The following EVL variants were observed in gnomAD, a reference collection of about 807,000 sequenced individuals.
EVL encodes the protein ena/VASP-like protein.
A neutral mutation model predicts 59.6 loss-of-function variants in EVL; 21 were observed. The observed-to-expected ratio is 0.35, with a 90% confidence interval of 0.25 to 0.51. EVL has a LOEUF of 0.51. Among genes scored for constraint, EVL ranks in the 20% least tolerant of loss-of-function variants. The pLI is 0.97. For missense variants in EVL, 462 were observed against 546.6 expected (o/e 0.85, Z 1.54); for synonymous variants, 198 against 203.5 (o/e 0.97, Z 0.23).
intron 1 of EVL, among the ~76,000 whole-genome samples, chr14:100,078,705 T>C (rs943378): frequency 0.94 from 143,220 of 152,108 alleles, 67,598 homozygotes; most frequent in African/African-American, 0.96. Flanking sequence ...CCCACCCTTG[T>C]GATGGTTATG....
intron 1 of EVL, among the ~76,000 whole-genome samples, chr14:100,013,223 A>G (rs937388472): frequency 2.6e-5 from 4 of 152,216 alleles, no homozygotes; most frequent in Admixed American, 6.5e-5. Context: ...TAATGAACTG[A>G]GTTGTTCAGC....
At chr14:100,132,832 G>T in intron 8 of EVL, 53 bp downstream of exon 8, 2 of 1,589,828 alleles carry the variant, frequency 1.3e-6, no homozygotes. Flanking sequence ...TGAGCGCATC[G>T]CCAGGGAGGC....
At chr14:100,069,731 G>A (rs1463033704) in intron 1 of EVL, among the ~76,000 whole-genome samples, 4 of 152,160 alleles carry the variant, frequency 2.6e-5, no homozygotes, top group Non-Finnish European at 2.9e-5. Flanking sequence ...CGATACTCAG[G>A]TGGGCTGGGG....
chr14:100,071,119 A>T lies in EVL; in HGVS notation c.11+5608A>T, dbSNP rs183253396. On this transcript the variant is annotated intron_variant, in intron 1 of 13. Coordinates refer to ENST00000392920, the MANE Select transcript of EVL (RefSeq NM_016337.3). The stretch of plus-strand genomic sequence containing the variant: ...GCATCTGAGAGGGTGACATCCAAGG[A>T]GAAAAGGCAAACGTCTTGATTGCCC... Among the ~76,000 whole-genome samples, 8 of 152,280 alleles carry T rather than the reference A, an allele frequency of 5.3e-5. No individual in the cohort carries two copies. The East Asian group carries it at 1.5e-3, about 29-fold the overall frequency.
At chr14:100,060,201 C>T (rs1327252134) in intron 1 of EVL, among the ~76,000 whole-genome samples, 6 of 151,526 alleles carry the variant, frequency 4.0e-5, no homozygotes, top group Non-Finnish European at 8.8e-5. Context: ...GAGGCCGAGG[C>T]GGGCGGATCA....
rs1254116960 is a variant in EVL at position 100,006,017 on chromosome 14, C to CCG, written c.5+33961_5+33962insGC. On this transcript the variant is annotated intron_variant, in intron 1 of 13. Coordinates refer to the EVL transcript ENST00000402714. Reference sequence around the variant, plus strand: ...CCCTTTTGCTGGCCATTTCCCCCCCCCCCCCCACACCGACAACACTTTTGT... The same window carrying CCG: ...CCCTTTTGCTGGCCATTTCCCCCCCCCGCCCCCCACACCGACAACACTTTTGT... 0.01 allele frequency among the ~76,000 whole-genome samples: 1,543 copies of CCG among 149,640 alleles called. 69 individuals are homozygous for CCG. The East Asian group carries it at 0.14, about 13-fold the overall frequency.
chr14:100,003,952 C>A (rs2060962365), intron 1 of EVL, among the ~76,000 whole-genome samples: 2 of 152,178 alleles, frequency 1.3e-5, no homozygotes, highest in South Asian at 4.1e-4. Context: ...CACCTATAAT[C>A]CCAGCACTTT....
At position 100,095,248 on chromosome 14, in the gene EVL, A is replaced by G. The variant is rs552232624; in HGVS notation, c.181-2233A>G. On this transcript the variant is annotated intron_variant, in intron 2 of 13. Coordinates refer to ENST00000392920, the MANE Select transcript of EVL (RefSeq NM_016337.3). ...TAAGGTGGTTTCAAGACCTTCTTCAATTTTTAAAGCATTTTCCTCTGGCTT... is the reference window on the plus strand; with the variant it reads ...TAAGGTGGTTTCAAGACCTTCTTCAGTTTTTAAAGCATTTTCCTCTGGCTT... Among the ~76,000 whole-genome samples, 10 of 152,248 alleles carry G rather than the reference A, an allele frequency of 6.6e-5. 1 individual carries two copies. The highest frequency in any genetic ancestry group is 3.4e-3 in the Middle Eastern group (1 of 294).
intron 6 of EVL, among the ~76,000 whole-genome samples, 186 bp from the exon 7 acceptor site, chr14:100,129,375 CCT>C (rs1272567164): frequency 6.6e-6 from 1 of 152,086 alleles, no homozygotes; most frequent in South Asian, 2.1e-4. Context: ...GGTCCTTGTC[CCT>C]CTCTCGATTC....
intron 3 of EVL, among the ~76,000 whole-genome samples, chr14:100,105,187 G>A (rs1353409060): frequency 6.6e-6 from 1 of 152,082 alleles, no homozygotes; most frequent in Non-Finnish European, 1.5e-5. Context: ...ATCCCTACTA[G>A]CACGCTAGTC....
Position 100,128,985 on chromosome 14 carries a change from C to A in EVL, c.717+237C>A, listed in dbSNP as rs1335900931. Among the ~76,000 whole-genome samples the A allele has an allele frequency of 3.3e-5, 5 of 152,192 alleles. No homozygotes were observed. The South Asian group carries it at 8.3e-4, about 25-fold the overall frequency. On this transcript the variant is annotated intron_variant, in intron 6 of 13. Transcript: ENST00000392920. ...TTCACACGTGGGGCAAGAACTATGTCCCCCTTTAGAGATGAGGAAATTGAA... is the reference window on the plus strand; with the variant it reads ...TTCACACGTGGGGCAAGAACTATGTACCCCTTTAGAGATGAGGAAATTGAA...
chr14:100,142,785 TAGGC>T (rs1566736467), intron 13 of EVL, among the ~76,000 whole-genome samples: 1 of 152,160 alleles, frequency 6.6e-6, no homozygotes, highest in Non-Finnish European at 1.5e-5. Context: ...GCCTGGGCGA[TAGGC>T]AGGCACTCAG....
chr14:99,978,098 A>G (rs2060782251), intron 1 of EVL: 1 of 145,988 alleles, frequency 6.8e-6, no homozygotes, highest in East Asian at 2.0e-4. Flanking sequence ...CTCTGTCTCA[A>G]AAAAAAAAAA....
At chr14:100,018,991 A>G (rs1394932640) in intron 1 of EVL, among the ~76,000 whole-genome samples, 2 of 152,220 alleles carry the variant, frequency 1.3e-5, no homozygotes, top group African/African-American at 4.8e-5. Context: ...AATCAAATAA[A>G]TGAGATCACT....
Position 100,143,799 on chromosome 14 carries a change from CCCAG to C in EVL, c.*68_*71del. 6.3e-7 allele frequency: 1 copy of C among 1,575,574 alleles called. No homozygotes were observed. The highest frequency in any genetic ancestry group is 1.1e-5 in the South Asian group (1 of 86,968). On this transcript the variant is annotated 3_prime_UTR_variant, in exon 14 of 14. Coordinates refer to ENST00000392920, the MANE Select transcript of EVL (RefSeq NM_016337.3). ...TCCGGCGACAGAGGACAGCCAGAAGCCCAGCCAGCCCCAGACTCCAGTGCACCAG... is the reference window on the plus strand; with the variant it reads ...TCCGGCGACAGAGGACAGCCAGAAGCCCAGCCCCAGACTCCAGTGCACCAG...
At chr14:100,009,732 A>G (rs2061004535) in intron 1 of EVL, among the ~76,000 whole-genome samples, 1 of 152,232 alleles carries the variant, frequency 6.6e-6, no homozygotes, top group Non-Finnish European at 1.5e-5. Flanking sequence ...TCATGAGAAC[A>G]TGTGCCTAAG....
At chr14:100,060,133 TA>T (rs1419510983) in intron 1 of EVL, among the ~76,000 whole-genome samples, 2 of 152,104 alleles carry the variant, frequency 1.3e-5, no homozygotes, top group Non-Finnish European at 2.9e-5. Flanking sequence ...ATGGAAATTA[TA>T]AAAAACTTGC....
chr14:100,013,797 A>C (rs2061032826), intron 1 of EVL, among the ~76,000 whole-genome samples: 1 of 152,224 alleles, frequency 6.6e-6, no homozygotes, highest in Non-Finnish European at 1.5e-5. Context: ...TGAAGCATAC[A>C]ATGGTCAGAT....
At chr14:100,057,316 C>T (rs919138157) in intron 1 of EVL, among the ~76,000 whole-genome samples, 1 of 152,160 alleles carries the variant, frequency 6.6e-6, no homozygotes. Context: ...ACCAAGTCCA[C>T]GGAAGTCTAA....
Sources: gnomAD v4.1 joint callset for allele counts (sites outside exome capture counted in the v4.1 genomes callset) on GRCh38, gnomAD v4.1.1 for gene constraint, MANE v1.5 for transcripts, NCBI Gene and HGNC (gene_info 2026-07-23, HGNC 2026-07-21) for gene names.